Variants in ANXA10 observed in about 807,000 individuals in gnomAD.
ANXA10 encodes annexin A10.
A neutral mutation model predicts 53.5 loss-of-function variants in ANXA10; 49 were observed. The ratio of observed to expected loss-of-function variants is 0.92; its 90% CI spans 0.73 to 1.16. ANXA10 has a LOEUF of 1.16. Among genes scored for constraint, ANXA10 ranks in the 50% most tolerant of loss-of-function variants. The pLI is 0.00. For synonymous variants in ANXA10, 131 were observed against 128.9 expected (o/e 1.02, Z -0.11); for missense variants, 393 against 394.4 (o/e 1.00, Z 0.03).
chr4:168,144,938 G>C (rs1731383714), intron 3 of ANXA10, among the ~76,000 whole-genome samples: 1 of 152,150 alleles, frequency 6.6e-6, no homozygotes, highest in Non-Finnish European at 1.5e-5. Flanking sequence ...CTGTACAGGA[G>C]ACAGGAGTTC....
At chr4:168,164,071 TA>T (rs1362622884) in intron 4 of ANXA10, 126 bp from the exon 5 acceptor site, 4 of 685,404 alleles carry the variant, frequency 5.8e-6, no homozygotes, top group Non-Finnish European at 7.4e-6. Flanking sequence ...GCCTTCATCC[TA>T]AACCACTTCC....
chr4:168,157,292 G>A (rs1731703091), intron 3 of ANXA10, among the ~76,000 whole-genome samples: 1 of 151,666 alleles, frequency 6.6e-6, no homozygotes, highest in Non-Finnish European at 1.5e-5. Context: ...TTTTGATACA[G>A]AGTCTTGCTC....
chr4:168,149,644 G>T (rs1731465086), intron 3 of ANXA10, among the ~76,000 whole-genome samples: 1 of 152,050 alleles, frequency 6.6e-6, no homozygotes, highest in East Asian at 1.9e-4. Context: ...TTTTGCATTT[G>T]CTTCTTCTGT....
At chr4:168,166,346 G>A (rs1174635941) in intron 6 of ANXA10, among the ~76,000 whole-genome samples, 1 of 152,168 alleles carries the variant, frequency 6.6e-6, no homozygotes, top group Non-Finnish European at 1.5e-5. Context: ...TTATGTTTCT[G>A]TACTGGCTAA....
chr4:168,181,842 G>T, intron 10 of ANXA10, 101 bp downstream of exon 10: 1 of 888,598 alleles, frequency 1.1e-6, no homozygotes, highest in East Asian at 2.5e-5. Flanking sequence ...TACCATTTTT[G>T]AACTTGTATG....
chr4:168,141,908 T>C (rs1308518027), intron 3 of ANXA10, among the ~76,000 whole-genome samples: 1 of 152,134 alleles, frequency 6.6e-6, no homozygotes, highest in Non-Finnish European at 1.5e-5. Context: ...GGGCCCTCCC[T>C]TACTATTAGT....
At chr4:168,137,115 G>A (rs1731250811) in intron 2 of ANXA10, among the ~76,000 whole-genome samples, 1 of 152,178 alleles carries the variant, frequency 6.6e-6, no homozygotes, top group Non-Finnish European at 1.5e-5. Flanking sequence ...GTTGTGCAGG[G>A]TAGCCAGGCA....
chr4:168,139,963 T>G (rs1001149509), intron 3 of ANXA10, among the ~76,000 whole-genome samples: 1 of 152,110 alleles, frequency 6.6e-6, no homozygotes, highest in African/African-American at 2.4e-5. Context: ...GATCACCAGT[T>G]CAAAATATAA....
chr4:168,155,066 C>T lies in ANXA10; in HGVS notation c.196-7462C>T, dbSNP rs570039972. 4.6e-5 allele frequency among the ~76,000 whole-genome samples: 7 copies of T among 151,844 alleles called. 1 individual carries two copies. The South Asian group carries it at 1.5e-3, about 32-fold the overall frequency. On this transcript the variant is annotated intron_variant, in intron 3 of 11. Transcript: ENST00000359299. ...ACATTTACTGAAGGCTAGCTGTATA[C>T]TTCACAGGCACGTTTCACTCTACCC... is the stretch of plus-strand genomic sequence containing the variant.
intron 1 of ANXA10, 95 bp downstream of exon 1, chr4:168,092,813 T>C: frequency 8.2e-7 from 1 of 1,215,272 alleles, no homozygotes; most frequent in Non-Finnish European, 1.1e-6. Flanking sequence ...TAACAGAAAA[T>C]GTTGTTCTAA....
At chr4:168,165,946 G>A (rs1731871087) in intron 6 of ANXA10, among the ~76,000 whole-genome samples, 1 of 152,214 alleles carries the variant, frequency 6.6e-6, no homozygotes, top group Non-Finnish European at 1.5e-5. Context: ...CAAGGTGCTA[G>A]AATTACAGGC....
chr4:168,110,413 C>T (rs962366358), intron 1 of ANXA10, among the ~76,000 whole-genome samples: 2 of 149,652 alleles, frequency 1.3e-5, no homozygotes, highest in Admixed American at 1.3e-4. Flanking sequence ...CCCATATTAA[C>T]GATGCTACAA....
chr4:168,155,229 T>C (rs1034282157), intron 3 of ANXA10, among the ~76,000 whole-genome samples: 3 of 147,636 alleles, frequency 2.0e-5, no homozygotes, highest in Non-Finnish European at 4.4e-5. Flanking sequence ...ATGAATAATA[T>C]CTCTAATTTA....
chr4:168,143,950 C>CA (rs1182741822), intron 3 of ANXA10, among the ~76,000 whole-genome samples: 6 of 152,258 alleles, frequency 3.9e-5, no homozygotes, highest in Non-Finnish European at 8.8e-5. Flanking sequence ...TCACATCTTT[C>CA]AAGGTTTTGC....
intron 1 of ANXA10, among the ~76,000 whole-genome samples, chr4:168,098,910 A>G (rs567489429): frequency 6.6e-6 from 1 of 152,274 alleles, no homozygotes; most frequent in East Asian, 1.9e-4. Context: ...CTTCACTCAC[A>G]GCAACTTTGG....
chr4:168,124,806 G>A (rs1439417080), intron 1 of ANXA10, among the ~76,000 whole-genome samples: 1 of 152,132 alleles, frequency 6.6e-6, no homozygotes, highest in Non-Finnish European at 1.5e-5. Flanking sequence ...TGGGCATTAA[G>A]GATTTTAAGC....
intron 2 of ANXA10, among the ~76,000 whole-genome samples, chr4:168,128,412 A>G (rs892833736): frequency 6.6e-6 from 1 of 152,184 alleles, no homozygotes; most frequent in Admixed American, 6.6e-5. Context: ...TAAATCCATA[A>G]GTGCCTCATC....
chr4:168,178,073 A>G, intron 8 of ANXA10, 90 bp downstream of exon 8: 1 of 1,246,420 alleles, frequency 8.0e-7, no homozygotes, highest in South Asian at 1.3e-5. Flanking sequence ...GAAATATTAC[A>G]AGGAAATAGC....
At chr4:168,157,584 CCTCCAGACTTTGTGTCTG>C in intron 3 of ANXA10, among the ~76,000 whole-genome samples, 1 of 152,278 alleles carries the variant, frequency 6.6e-6, no homozygotes, top group East Asian at 1.9e-4. Context: ...ATTTCTAATA[CCTCCAGACTTTGTGTCTG>C]CTCCTTTGCA....
Sources: allele counts gnomAD v4.1 joint callset (sites outside exome capture counted in the v4.1 genomes callset), GRCh38; gene constraint gnomAD v4.1.1; transcripts MANE v1.5; gene names NCBI Gene and HGNC (gene_info 2026-07-23, HGNC 2026-07-21).